NKAIN3: variants seen among roughly 807,000 people sequenced by gnomAD.
The protein encoded by NKAIN3 is sodium/potassium-transporting ATPase subunit beta-1-interacting protein 3.
In NKAIN3, 25 loss-of-function variants were observed where a neutral mutation model predicts 30.2. The ratio of observed to expected loss-of-function variants is 0.83; its 90% CI spans 0.60 to 1.16. The LOEUF is 1.16. Among genes scored for constraint, NKAIN3 ranks in the 50% most tolerant of loss-of-function variants. The pLI is 0.00. For synonymous variants in NKAIN3, 91 were observed against 89.6 expected (o/e 1.02, Z -0.09); for missense variants, 225 against 254.1 (o/e 0.89, Z 0.78).
chr8:62,543,554 A>G (rs1352962212), intron 1 of NKAIN3, among the ~76,000 whole-genome samples: 2 of 152,192 alleles, frequency 1.3e-5, no homozygotes, highest in Non-Finnish European at 1.5e-5. Flanking sequence ...TAGTGGAAAC[A>G]TAGATGCCAA....
chr8:62,337,198 A>T (rs1815582135), intron 1 of NKAIN3, among the ~76,000 whole-genome samples: 1 of 151,990 alleles, frequency 6.6e-6, no homozygotes, highest in Non-Finnish European at 1.5e-5. Context: ...AATGCACAAC[A>T]TATCATTTCT....
At chr8:62,520,572 T>C (rs1361889848) in intron 1 of NKAIN3, among the ~76,000 whole-genome samples, 4 of 152,158 alleles carry the variant, frequency 2.6e-5, no homozygotes, top group East Asian at 1.9e-4. Flanking sequence ...ACACTACTTA[T>C]ATGTCATAAG....
chr8:62,627,659 A>G (rs1331066173), intron 3 of NKAIN3, among the ~76,000 whole-genome samples: 1 of 152,120 alleles, frequency 6.6e-6, no homozygotes, highest in Non-Finnish European at 1.5e-5. Flanking sequence ...CTTACCTTTC[A>G]CAACCGTTTT....
At chr8:62,662,062 A>G (rs1812962129) in intron 3 of NKAIN3, among the ~76,000 whole-genome samples, 1 of 152,180 alleles carries the variant, frequency 6.6e-6, no homozygotes, top group Non-Finnish European at 1.5e-5. Flanking sequence ...AAGGTCACTT[A>G]GCCCCCACCA....
At chr8:62,852,965 T>C (rs1819954105) in intron 4 of NKAIN3, among the ~76,000 whole-genome samples, 1 of 152,198 alleles carries the variant, frequency 6.6e-6, no homozygotes, top group Non-Finnish European at 1.5e-5. Flanking sequence ...AGATGCCTAT[T>C]AGGTCCACTT....
intron 4 of NKAIN3, among the ~76,000 whole-genome samples, chr8:62,754,873 G>T (rs1429724897): frequency 6.6e-6 from 1 of 152,176 alleles, no homozygotes; most frequent in Non-Finnish European, 1.5e-5. Context: ...CAATACTACT[G>T]TTGCTTCAGT....
At chr8:62,344,931 G>A (rs1426543002) in intron 1 of NKAIN3, 2 of 347,022 alleles carry the variant, frequency 5.8e-6, no homozygotes, top group East Asian at 1.6e-4. Context: ...AATTTTTCCA[G>A]TACAATCCAA....
At chr8:62,800,213 TAAAC>T (rs148896102) in intron 4 of NKAIN3, among the ~76,000 whole-genome samples, 4,187 of 149,580 alleles carry the variant, frequency 0.028, 202 homozygotes, top group African/African-American at 0.095. Context: ...AAATAATAAA[TAAAC>T]AAACAAATAA....
chr8:62,930,413 C>T (rs1259702591), intron 5 of NKAIN3, among the ~76,000 whole-genome samples: 1 of 151,966 alleles, frequency 6.6e-6, no homozygotes, highest in African/African-American at 2.4e-5. Flanking sequence ...GACACCATGC[C>T]CGGCTAATTT....
chr8:62,713,230 G>A (rs1019962928), intron 3 of NKAIN3, among the ~76,000 whole-genome samples: 2 of 152,176 alleles, frequency 1.3e-5, no homozygotes, highest in African/African-American at 4.8e-5. Flanking sequence ...GGGGTCCGCT[G>A]TCAGCTTCTT....
intron 4 of NKAIN3, among the ~76,000 whole-genome samples, chr8:62,782,557 T>G (rs1214931270): frequency 2.0e-5 from 3 of 151,834 alleles, no homozygotes; most frequent in Non-Finnish European, 4.4e-5. Context: ...AAAGAAAATG[T>G]GGCACATATA....
intron 4 of NKAIN3, among the ~76,000 whole-genome samples, chr8:62,815,471 A>G (rs1383022826): frequency 1.3e-5 from 2 of 152,208 alleles, no homozygotes; most frequent in Admixed American, 1.3e-4. Flanking sequence ...AAAATCCTCA[A>G]TAAAATACTG....
intron 5 of NKAIN3, among the ~76,000 whole-genome samples, chr8:62,935,325 T>C (rs1406191620): frequency 6.6e-6 from 1 of 152,134 alleles, no homozygotes; most frequent in Non-Finnish European, 1.5e-5. Flanking sequence ...GAGTGTATCC[T>C]CAAAATAAGA....
intron 5 of NKAIN3, among the ~76,000 whole-genome samples, chr8:62,923,640 C>A (rs1004757895): frequency 2.5e-4 from 38 of 152,152 alleles, no homozygotes; most frequent in Admixed American, 2.5e-3. Context: ...CTGGACAAGA[C>A]ACTGCTGAGA....
chr8:62,903,602 C>T (rs1821677090), intron 4 of NKAIN3, among the ~76,000 whole-genome samples: 1 of 152,160 alleles, frequency 6.6e-6, no homozygotes, highest in African/African-American at 2.4e-5. Context: ...CACCTGCTGC[C>T]TCTTCTTCAG....
chr8:62,723,190 T>TA (rs1276068399), intron 3 of NKAIN3, among the ~76,000 whole-genome samples: 1 of 152,152 alleles, frequency 6.6e-6, no homozygotes, highest in Admixed American at 6.6e-5. Context: ...ATATGTTTTT[T>TA]AAAAAATCCT....
At chr8:62,535,150 G>C (rs1808615437) in intron 1 of NKAIN3, among the ~76,000 whole-genome samples, 1 of 152,110 alleles carries the variant, frequency 6.6e-6, no homozygotes, top group Non-Finnish European at 1.5e-5. Flanking sequence ...GCACTGAGTT[G>C]AATTCGTACA....
chr8:62,331,055 T>C, intron 1 of NKAIN3, among the ~76,000 whole-genome samples: 2 of 140,112 alleles, frequency 1.4e-5, no homozygotes, highest in African/African-American at 2.7e-5. Context: ...CTCTTCTACC[T>C]CCTCCTCCTC....
intron 3 of NKAIN3, among the ~76,000 whole-genome samples, chr8:62,744,195 T>A (rs1014442603): frequency 2.0e-5 from 3 of 152,186 alleles, no homozygotes; most frequent in Admixed American, 1.3e-4. Context: ...GTACTCAGCA[T>A]GCCAAATCAC....
Sources: allele counts gnomAD v4.1 joint callset (sites outside exome capture counted in the v4.1 genomes callset), GRCh38; gene constraint gnomAD v4.1.1; transcripts MANE v1.5; gene names NCBI Gene and HGNC (gene_info 2026-07-23, HGNC 2026-07-21).